The following TMEM45A variants were observed in gnomAD, a reference collection of about 807,000 sequenced individuals.
TMEM45A encodes DNA polymerase-transactivated protein 4.
Under a neutral mutation model 32.0 loss-of-function variants are expected in TMEM45A, and 25 were observed. The ratio of observed to expected loss-of-function variants is 0.78; its 90% confidence interval spans 0.57 to 1.09. The LOEUF (loss-of-function observed/expected upper bound fraction) is 1.09, where lower values mean the gene tolerates loss of function less well. TMEM45A is among the 50% of genes least tolerant of loss of function. The pLI is 0.00. For missense variants in TMEM45A, 302 were observed against 325.0 expected (o/e 0.93, Z 0.54); for synonymous variants, 122 against 114.8 (o/e 1.06, Z -0.40).
intron 1 of TMEM45A, among the ~76,000 whole-genome samples, chr3:100,514,851 A>G (rs1708233718): frequency 6.7e-6 from 1 of 149,788 alleles, no homozygotes; most frequent in East Asian, 1.9e-4. Flanking sequence ...GAAGACATTT[A>G]TGCAGCCAAA....
rs1559647131 is a variant in TMEM45A, at chr3:100,547,436, A to C, written c.-3-7773A>C. Among the ~76,000 whole-genome samples, 3 of 152,250 alleles carry C rather than the reference A, an allele frequency of 2.0e-5. No individual in the cohort carries two copies. The South Asian group carries it at 6.2e-4, about 32-fold the overall frequency. ...CACCTGGCCTATGTACTGTATTCTT[A>C]CAATAAAGTAAGCTAGAGAAAAGAA... On this transcript the variant is annotated intron_variant, in intron 1 of 5. Coordinates refer to ENST00000323523, the MANE Select transcript of TMEM45A (RefSeq NM_018004.3).
chr3:100,531,587 T>A (rs952549768), intron 1 of TMEM45A, among the ~76,000 whole-genome samples: 1 of 152,204 alleles, frequency 6.6e-6, no homozygotes, highest in African/African-American at 2.4e-5. Flanking sequence ...GAGAATCAAC[T>A]AGAGCAATTG....
rs1306019051 is a variant in TMEM45A at position 100,558,464 on chromosome 3, C to A, written c.463C>A (p.Leu155Met). 1 of 1,614,136 alleles carries A rather than the reference C, an allele frequency of 6.2e-7. No individual in the cohort carries two copies. Among genetic ancestry groups the A allele is most frequent in the African/African-American group, 1.3e-5 (1 of 75,058 alleles). ...AATGCTGGACATCTTTGTGCACCAGCTGCTGGTTTTGGTCGTCTTTCTGAC... is the reference window on the plus strand; with the variant it reads ...AATGCTGGACATCTTTGTGCACCAGATGCTGGTTTTGGTCGTCTTTCTGAC... ...REMLDIFVHQ[L>M]LVLVVFLTGL... Residue 155 changes from leucine to methionine, a missense_variant, in exon 4 of 6, where the codon CTG becomes ATG. Transcript: ENST00000323523.
In TMEM45A at chr3:100,504,252, A is replaced by T. The variant is rs529312284; in HGVS notation, c.-4+11324A>T. Among the ~76,000 whole-genome samples, 919 of 151,324 alleles carry T rather than the reference A, an allele frequency of 6.1e-3. 11 individuals are homozygous for T. Among genetic ancestry groups the T allele is most frequent in the African/African-American group, 0.021 (851 of 41,288 alleles). On this transcript the variant is annotated intron_variant, in intron 1 of 5. Transcript: ENST00000323523. ...CCATTGTAGCCTTATATTTTTATAA[A>T]AAAAAAAAAAAGTCTTGCTTGGATA...
intron 4 of TMEM45A, among the ~76,000 whole-genome samples, chr3:100,559,713 G>A (rs1054031395): frequency 4.6e-5 from 7 of 151,980 alleles, no homozygotes; most frequent in Non-Finnish European, 1.0e-4. Flanking sequence ...TAAAAGAGAT[G>A]ACTTCTGGTT....
At chr3:100,514,768 A>G (rs1708232211) in intron 1 of TMEM45A, among the ~76,000 whole-genome samples, 1 of 152,144 alleles carries the variant, frequency 6.6e-6, no homozygotes. Flanking sequence ...ATGAACTCTA[A>G]CAAATTTACA....
chr3:100,560,400 T>G (rs1269517533), intron 4 of TMEM45A, among the ~76,000 whole-genome samples: 2 of 152,156 alleles, frequency 1.3e-5, no homozygotes, highest in Non-Finnish European at 2.9e-5. Context: ...TAGTTTGTAG[T>G]TTTTTTGATG....
chr3:100,516,624 G>A (rs1418067721), intron 1 of TMEM45A, among the ~76,000 whole-genome samples: 1 of 151,986 alleles, frequency 6.6e-6, no homozygotes, highest in Non-Finnish European at 1.5e-5. Flanking sequence ...CTTTCTGTCA[G>A]CAACTCTCTC....
At chr3:100,552,679 G>A (rs1245941370) in intron 1 of TMEM45A, among the ~76,000 whole-genome samples, 1 of 152,144 alleles carries the variant, frequency 6.6e-6, no homozygotes, top group Non-Finnish European at 1.5e-5. Context: ...CAGTTTTGGG[G>A]TATTTTGAGT....
chr3:100,506,535 T>G (rs966478819), intron 1 of TMEM45A, among the ~76,000 whole-genome samples: 6 of 152,248 alleles, frequency 3.9e-5, no homozygotes, highest in African/African-American at 1.4e-4. Flanking sequence ...TGTAACATTT[T>G]ATACATAACA....
intron 1 of TMEM45A, among the ~76,000 whole-genome samples, chr3:100,551,316 C>A (rs1464866437): frequency 6.6e-6 from 1 of 152,026 alleles, no homozygotes; most frequent in African/African-American, 2.4e-5. Context: ...CCCGGCCGAA[C>A]TGCTTTTCTT....
intron 1 of TMEM45A, among the ~76,000 whole-genome samples, chr3:100,507,790 A>G (rs1708098413): frequency 6.6e-6 from 1 of 152,098 alleles, no homozygotes; most frequent in African/African-American, 2.4e-5. Flanking sequence ...AATTTCTTTC[A>G]GATCAGTATG....
In TMEM45A at chr3:100,577,105, C is replaced by A. The variant is rs1326678736; in HGVS notation, c.*87C>A. ...GTTTCTCGATCTTTTGTTTGGAGAA[C>A]AGCTGGCTAAGGATGACTCTAAGTG... On this transcript the variant is annotated 3_prime_UTR_variant, in exon 6 of 6. Transcript: ENST00000323523. 2 of 1,121,972 alleles carry A rather than the reference C, an allele frequency of 1.8e-6. No individual in the cohort carries two copies. Among genetic ancestry groups the A allele is most frequent in the South Asian group, 1.4e-5 (1 of 72,932 alleles). 69.5% of individuals were successfully genotyped at this position (1,121,972 alleles called of 1,614,324 possible).
intron 1 of TMEM45A, among the ~76,000 whole-genome samples, chr3:100,501,785 C>T (rs1178065238): frequency 6.6e-6 from 1 of 152,152 alleles, no homozygotes; most frequent in Non-Finnish European, 1.5e-5. Context: ...CATCTGAATT[C>T]CCTCTCAATG....
At chr3:100,552,654 A>G (rs1178430342) in intron 1 of TMEM45A, among the ~76,000 whole-genome samples, 2 of 152,208 alleles carry the variant, frequency 1.3e-5, no homozygotes, top group African/African-American at 4.8e-5. Context: ...AGGTGGGTTG[A>G]TAAGATGATT....
chr3:100,530,172 T>A (rs995295544), intron 1 of TMEM45A, among the ~76,000 whole-genome samples: 1 of 152,198 alleles, frequency 6.6e-6, no homozygotes, highest in Admixed American at 6.5e-5. Flanking sequence ...GTCCCCCAGA[T>A]AATATTTGTA....
At chr3:100,512,079 A>T (rs1286730945) in intron 1 of TMEM45A, among the ~76,000 whole-genome samples, 1 of 152,206 alleles carries the variant, frequency 6.6e-6, no homozygotes, top group African/African-American at 2.4e-5. Context: ...ACAGAAAGTC[A>T]ACAAGGATAC....
chr3:100,532,250 C>T (rs991487509), intron 1 of TMEM45A, among the ~76,000 whole-genome samples: 6 of 152,196 alleles, frequency 3.9e-5, no homozygotes, highest in Non-Finnish European at 7.3e-5. Flanking sequence ...CTGCTCTCCC[C>T]GACATCATGT....
chr3:100,497,619 A>T (rs1707947780), intron 1 of TMEM45A, among the ~76,000 whole-genome samples: 1 of 152,200 alleles, frequency 6.6e-6, no homozygotes, highest in Non-Finnish European at 1.5e-5. Flanking sequence ...TATGAATTTG[A>T]CTATTCTAGG....
Sources: allele counts gnomAD v4.1 joint callset (sites outside exome capture counted in the v4.1 genomes callset), GRCh38; gene constraint gnomAD v4.1.1; transcripts MANE v1.5; gene names NCBI Gene and HGNC (gene_info 2026-07-23, HGNC 2026-07-21).